CA8: variants seen among roughly 807,000 people sequenced by gnomAD.
CA8 encodes the protein carbonic anhydrase 8 (inactive), also known as carbonic anhydrase-related protein.
A neutral mutation model predicts 41.4 loss-of-function variants in CA8; 22 were observed. The ratio of observed to expected loss-of-function variants is 0.53; its 90% CI spans 0.38 to 0.76. CA8 has a LOEUF of 0.76. Among genes scored for constraint, CA8 ranks in the 30% least tolerant of loss-of-function variants. The pLI, the probability that CA8 is intolerant of heterozygous loss-of-function variation, is 0.00. For synonymous variants in CA8, 121 were observed against 130.6 expected (o/e 0.93, Z 0.50); for missense variants, 270 against 352.8 (o/e 0.77, Z 1.88).
intron 8 of CA8, among the ~76,000 whole-genome samples, chr8:60,203,477 G>T (rs9298026): frequency 0.8 from 121,706 of 152,070 alleles, 48,910 homozygotes; most frequent in Middle Eastern, 0.85. Context: ...TTTTAGGCAA[G>T]TCTCTCAGTT....
intron 3 of CA8, among the ~76,000 whole-genome samples, chr8:60,254,520 G>A (rs1808558230): frequency 6.6e-6 from 1 of 152,206 alleles, no homozygotes; most frequent in African/African-American, 2.4e-5. Flanking sequence ...TAGGAACAAT[G>A]CCCACTGATA....
rs1806065594 is a variant in CA8 at position 60,189,879 on chromosome 8, CTGGATTAGA to C, written c.*133_*141del. The C allele has an allele frequency of 6.6e-6, 1 of 152,040 alleles. No homozygotes were observed. Among genetic ancestry groups the C allele is most frequent in the African/African-American group, 2.4e-5 (1 of 41,316 alleles). The allele number at this position is 152,040 out of a possible 1,614,324, so 9.4% of individuals were successfully genotyped here. A position where few individuals can be genotyped will look rare whatever the true frequency, so the allele number is the denominator to read the frequency against. On this transcript the variant is annotated 3_prime_UTR_variant, in exon 9 of 9. Transcript: ENST00000317995. The stretch of plus-strand genomic sequence containing the variant: ...CAACCATCACAGATGTCCATCAAAG[CTGGATTAGA>C]TGAAGACAAACAACGCAGGCTTTGA...
intron 7 of CA8, among the ~76,000 whole-genome samples, chr8:60,218,580 C>T (rs889744397): frequency 6.6e-6 from 1 of 152,170 alleles, no homozygotes; most frequent in Non-Finnish European, 1.5e-5. Flanking sequence ...TACCTTACTA[C>T]ATCAATACAC....
chr8:60,214,253 G>A (rs1181925810), intron 7 of CA8, among the ~76,000 whole-genome samples: 1 of 152,236 alleles, frequency 6.6e-6, no homozygotes, highest in Non-Finnish European at 1.5e-5. Flanking sequence ...TCCTCATGTA[G>A]CAGAAGGCAG....
chr8:60,230,685 A>G (rs754133936), intron 4 of CA8, among the ~76,000 whole-genome samples: 8 of 152,014 alleles, frequency 5.3e-5, no homozygotes, highest in Non-Finnish European at 1.2e-4. Flanking sequence ...GATAACCTGA[A>G]TTTTTCATCA....
At chr8:60,256,518 G>A (rs1311202615) in intron 3 of CA8, among the ~76,000 whole-genome samples, 1 of 152,110 alleles carries the variant, frequency 6.6e-6, no homozygotes, top group Non-Finnish European at 1.5e-5. Context: ...TTCAAGCACA[G>A]CAAAGCAGTA....
At position 60,189,237 on chromosome 8, in the gene CA8, A is replaced by C. The variant is rs572817985; in HGVS notation, c.*784T>G. On this transcript the variant is annotated 3_prime_UTR_variant, in exon 9 of 9. Transcript: ENST00000317995. Reference sequence around the variant, plus strand: ...AGGATACCACTAAATTTATATTTCTATGTATGGAAAGTAAAGCTATTCCTG... The same window carrying C: ...AGGATACCACTAAATTTATATTTCTCTGTATGGAAAGTAAAGCTATTCCTG... 1.3e-5 allele frequency: 2 copies of C among 152,290 alleles called. No homozygotes were observed. The highest frequency in any genetic ancestry group is 4.1e-4 in the South Asian group (2 of 4,826). The allele number at this position is 152,290 out of a possible 1,614,324, so 9.4% of individuals were successfully genotyped here. A position where few individuals can be genotyped will look rare whatever the true frequency, so the allele number is the denominator to read the frequency against.
intron 3 of CA8, among the ~76,000 whole-genome samples, chr8:60,239,709 A>C (rs909688320): frequency 6.6e-6 from 1 of 152,160 alleles, no homozygotes; most frequent in Non-Finnish European, 1.5e-5. Flanking sequence ...TGTAGCTCCC[A>C]TAATTCTCAC....
At chr8:60,202,565 T>C (rs1236599689) in intron 8 of CA8, among the ~76,000 whole-genome samples, 11 of 152,332 alleles carry the variant, frequency 7.2e-5, no homozygotes, top group Non-Finnish European at 1.6e-4. Context: ...TTAAAAACTA[T>C]TTTTTAATTT....
At chr8:60,258,473 T>G (rs997456942) in intron 3 of CA8, among the ~76,000 whole-genome samples, 1 of 152,200 alleles carries the variant, frequency 6.6e-6, no homozygotes, top group Non-Finnish European at 1.5e-5. Flanking sequence ...AAAGCAGCAG[T>G]GCCCAACCTT....
chr8:60,279,748 C>T lies in CA8; in HGVS notation c.233G>A (p.Arg78Gln). The T allele has an allele frequency of 6.2e-7, 1 of 1,614,084 alleles. No individual in the cohort carries two copies. Among genetic ancestry groups the T allele is most frequent in the Non-Finnish European group, 8.5e-7 (1 of 1,180,014 alleles). The change falls in exon 2 of 9, where the codon CGA (arginine) becomes CAA (glutamine). Residue 78 changes from arginine to glutamine, a missense_variant. Coordinates refer to ENST00000317995, the MANE Select transcript of CA8 (RefSeq NM_004056.6). ...VRLSPNYVVC[R>Q]DCEVTNDGHT... is the part of the protein sequence containing the mutation. ...TCCATCATTGGTGACTTCACAGTCTCGGCACACCACATAATTTGGGGAGAG... is the reference window on the plus strand; with the variant it reads ...TCCATCATTGGTGACTTCACAGTCTTGGCACACCACATAATTTGGGGAGAG...
At chr8:60,280,028 T>G (rs1804359328) in intron 1 of CA8, 148 bp from the exon 2 acceptor site, 1 of 641,348 alleles carries the variant, frequency 1.6e-6, no homozygotes, top group Non-Finnish European at 2.5e-6. Flanking sequence ...GTAATTCTAT[T>G]TGTTTTTGCA....
At chr8:60,246,304 CTTTGT>C (rs1808234474) in intron 3 of CA8, among the ~76,000 whole-genome samples, 2 of 151,892 alleles carry the variant, frequency 1.3e-5, no homozygotes, top group South Asian at 2.1e-4. Flanking sequence ...GTTTGTTTTG[CTTTGT>C]TTTAAGACAG....
At chr8:60,279,193 T>C (rs1015330785) in intron 2 of CA8, among the ~76,000 whole-genome samples, 2 of 152,204 alleles carry the variant, frequency 1.3e-5, no homozygotes, top group African/African-American at 4.8e-5. Context: ...TTAGAGGCTG[T>C]TTCTTATTGT....
At chr8:60,201,062 A>G (rs1216911873) in intron 8 of CA8, among the ~76,000 whole-genome samples, 2 of 152,202 alleles carry the variant, frequency 1.3e-5, no homozygotes, top group Non-Finnish European at 2.9e-5. Flanking sequence ...TCAGAAGGCA[A>G]ATCTGCAGAA....
chr8:60,210,825 G>A (rs1020675852), intron 7 of CA8, among the ~76,000 whole-genome samples: 12 of 152,000 alleles, frequency 7.9e-5, no homozygotes, highest in African/African-American at 2.4e-4. Flanking sequence ...ATGGTTTTTC[G>A]CTAGATCTTC....
At chr8:60,204,379 C>T (rs1019505560) in intron 8 of CA8, among the ~76,000 whole-genome samples, 9 of 152,152 alleles carry the variant, frequency 5.9e-5, no homozygotes, top group Non-Finnish European at 1.0e-4. Context: ...AACATTCTTC[C>T]TCCCAAACAC....
chr8:60,215,062 A>G (rs1366014884), intron 7 of CA8, among the ~76,000 whole-genome samples: 2 of 152,198 alleles, frequency 1.3e-5, no homozygotes, highest in Non-Finnish European at 2.9e-5. Flanking sequence ...GTATGTGTAC[A>G]TACGTATTTG....
chr8:60,195,320 A>G (rs1365285451), intron 8 of CA8, among the ~76,000 whole-genome samples: 3 of 152,228 alleles, frequency 2.0e-5, no homozygotes, highest in Admixed American at 1.3e-4. Flanking sequence ...AAGAGGCCCA[A>G]GGGAATGAGT....
Sources: allele counts gnomAD v4.1 joint callset (sites outside exome capture counted in the v4.1 genomes callset), GRCh38; gene constraint gnomAD v4.1.1; transcripts MANE v1.5; gene names NCBI Gene and HGNC (gene_info 2026-07-23, HGNC 2026-07-21).